Variants in NR2C2 observed in about 807,000 individuals in gnomAD.
The protein encoded by NR2C2 is Nuclear hormone receptor TR4.
Under a neutral mutation model 62.9 loss-of-function variants are expected in NR2C2, and 6 were observed. The observed-to-expected ratio is 0.10, with a 90% confidence interval of 0.05 to 0.19. NR2C2 has a LOEUF of 0.19. Among genes scored for constraint, NR2C2 ranks in the 10% least tolerant of loss-of-function variants. The probability of loss-of-function intolerance (pLI) is 1.00; values close to 1 mark genes in which losing one functional copy is unlikely to be tolerated. For missense variants in NR2C2, 479 were observed against 762.7 expected (o/e 0.63, Z 4.38); for synonymous variants, 272 against 273.8 (o/e 0.99, Z 0.07).
rs1362445112 is a variant in NR2C2, at chr3:15,043,157, T to C, written c.*149T>C. ...CTCCTTATCTGTTAATCCCAGACAA[T>C]AGCAATTAAAAGACTAGTAGGATCC... On this transcript the variant is annotated 3_prime_UTR_variant, in exon 14 of 14. Coordinates refer to ENST00000425241, the MANE Select transcript of NR2C2 (RefSeq NM_001291694.2). 1.2e-5 allele frequency: 7 copies of C among 607,534 alleles called. No homozygotes were observed. Among genetic ancestry groups the C allele is most frequent in the African/African-American group, 1.9e-5 (1 of 52,586 alleles). The allele number at this position is 607,534 out of a possible 1,614,324, so 37.6% of individuals were successfully genotyped here. A position where few individuals can be genotyped will look rare whatever the true frequency, so the allele number is the denominator to read the frequency against.
intron 1 of NR2C2, among the ~76,000 whole-genome samples, chr3:14,988,868 G>A (rs2040584147): frequency 6.6e-6 from 1 of 152,106 alleles, no homozygotes; most frequent in South Asian, 2.1e-4. Context: ...TAGTGCACAT[G>A]CAAACTTCTG....
intron 8 of NR2C2, 49 bp from the exon 9 acceptor site, chr3:15,030,226 C>T (rs1245062478): frequency 6.7e-7 from 1 of 1,494,000 alleles, no homozygotes; most frequent in Non-Finnish European, 9.2e-7. Context: ...TCTGTTCCCC[C>T]TAAAAGCTGT....
At chr3:14,994,776 G>A (rs1159056188) in intron 1 of NR2C2, among the ~76,000 whole-genome samples, 2 of 147,408 alleles carry the variant, frequency 1.4e-5, no homozygotes, top group African/African-American at 5.0e-5. Flanking sequence ...AAAGCCAGCT[G>A]TGGTGGAGTG....
At chr3:14,991,529 T>G (rs2040670650) in intron 1 of NR2C2, among the ~76,000 whole-genome samples, 1 of 152,202 alleles carries the variant, frequency 6.6e-6, no homozygotes, top group Admixed American at 6.5e-5. Flanking sequence ...TTGTTCATGA[T>G]TTCACTGAAG....
At chr3:15,016,313 T>G in intron 4 of NR2C2, 59 bp downstream of exon 4, 1 of 1,252,640 alleles carries the variant, frequency 8.0e-7, no homozygotes, top group South Asian at 1.2e-5. Flanking sequence ...AAGTAACTGT[T>G]GTGAGGTGGG....
chr3:14,962,923 G>T (rs2039729656), intron 1 of NR2C2, among the ~76,000 whole-genome samples: 1 of 152,092 alleles, frequency 6.6e-6, no homozygotes, highest in Non-Finnish European at 1.5e-5. Context: ...GTTATATGGG[G>T]GTGAATGAGT....
intron 1 of NR2C2, among the ~76,000 whole-genome samples, chr3:14,990,896 C>T (rs181240039): frequency 6.2e-4 from 95 of 152,256 alleles, no homozygotes; most frequent in Admixed American, 1.2e-3. Context: ...CTTAGCAAAT[C>T]GTTTCTTAAT....
At chr3:14,977,924 G>A (rs2040252714) in intron 1 of NR2C2, among the ~76,000 whole-genome samples, 1 of 147,016 alleles carries the variant, frequency 6.8e-6, no homozygotes, top group African/African-American at 2.5e-5. Context: ...ACTCCAGCCT[G>A]AGTGACAGAG....
chr3:15,031,702 C>T (rs573879632), intron 9 of NR2C2, among the ~76,000 whole-genome samples: 1 of 151,916 alleles, frequency 6.6e-6, no homozygotes, highest in South Asian at 2.1e-4. Context: ...CCCAAAATGC[C>T]TGCTAGTCCA....
At chr3:14,967,112 C>G (rs1559533108) in intron 1 of NR2C2, among the ~76,000 whole-genome samples, 2 of 152,044 alleles carry the variant, frequency 1.3e-5, no homozygotes, top group Non-Finnish European at 2.9e-5. Context: ...GGACTTTGTT[C>G]ATTTCATCTA....
intron 1 of NR2C2, among the ~76,000 whole-genome samples, chr3:14,969,507 C>T (rs747332128): frequency 2.6e-5 from 4 of 152,114 alleles, no homozygotes; most frequent in Non-Finnish European, 5.9e-5. Context: ...TCCCAAAGTG[C>T]TGGGATTACA....
At chr3:14,956,500 CAG>C (rs1313962262) in intron 1 of NR2C2, among the ~76,000 whole-genome samples, 1 of 152,144 alleles carries the variant, frequency 6.6e-6, no homozygotes, top group Admixed American at 6.6e-5. Context: ...TACAGTTTAA[CAG>C]GGCGAATTAC....
rs149876237 is a variant in NR2C2, at chr3:15,038,547, C to T, written c.1510+410C>T. The T allele has an allele frequency of 2.4e-5, 4 of 168,770 alleles. No individual in the cohort carries two copies. The East Asian group carries it at 5.0e-4, about 21-fold the overall frequency. 10.5% of individuals were successfully genotyped at this position (168,770 alleles called of 1,614,324 possible). A position where few individuals can be genotyped will look rare whatever the true frequency, so the allele number is the denominator to read the frequency against. On this transcript the variant is annotated intron_variant, in intron 12 of 13. Transcript: ENST00000425241. ...GTTTGCCCACAGACTGTGTATAGCA[C>T]TGCAGAGCATGCTAAAAGGTATGTT...
chr3:14,981,110 A>C (rs1243476724), intron 1 of NR2C2, among the ~76,000 whole-genome samples: 1 of 152,210 alleles, frequency 6.6e-6, no homozygotes, highest in Non-Finnish European at 1.5e-5. Flanking sequence ...AGTAACAATA[A>C]TAGCTATTAA....
At chr3:14,995,116 A>G (rs1289056180) in intron 1 of NR2C2, among the ~76,000 whole-genome samples, 1 of 149,716 alleles carries the variant, frequency 6.7e-6, no homozygotes, top group African/African-American at 2.5e-5. Flanking sequence ...CTCCCACCTC[A>G]GCCTCCTAAG....
At chr3:15,027,993 G>A (rs945943188) in intron 7 of NR2C2, among the ~76,000 whole-genome samples, 1 of 151,918 alleles carries the variant, frequency 6.6e-6, no homozygotes, top group Admixed American at 6.6e-5. Flanking sequence ...CAAGTACCTG[G>A]GGTTACAGGC....
intron 1 of NR2C2, among the ~76,000 whole-genome samples, chr3:14,985,190 A>T (rs183556876): frequency 6.6e-6 from 1 of 152,086 alleles, no homozygotes; most frequent in Non-Finnish European, 1.5e-5. Context: ...CATGTCCTGT[A>T]TGAGCTATAT....
intron 2 of NR2C2, among the ~76,000 whole-genome samples, chr3:15,010,343 A>G (rs1420114919): frequency 6.7e-6 from 1 of 149,550 alleles, no homozygotes; most frequent in Admixed American, 6.6e-5. Flanking sequence ...ATGTCTTAGG[A>G]GGGTGAAGAT....
At chr3:14,983,290 A>G (rs1226638348) in intron 1 of NR2C2, among the ~76,000 whole-genome samples, 1 of 151,934 alleles carries the variant, frequency 6.6e-6, no homozygotes, top group Non-Finnish European at 1.5e-5. Context: ...TCCATTCTCT[A>G]TCTCCATGAG....
Sources: allele counts gnomAD v4.1 joint callset (sites outside exome capture counted in the v4.1 genomes callset), GRCh38; gene constraint gnomAD v4.1.1; transcripts MANE v1.5; gene names NCBI Gene and HGNC (gene_info 2026-07-23, HGNC 2026-07-21).